The following DPP10 variants were observed in gnomAD, a reference collection of about 807,000 sequenced individuals.
DPP10 encodes the protein inactive dipeptidyl peptidase 10.
In DPP10, 33 loss-of-function variants were observed where a neutral mutation model predicts 120.9. That is an observed-to-expected ratio of 0.27 (90% confidence interval 0.21 to 0.37). The LOEUF is 0.37. Among genes scored for constraint, DPP10 ranks in the 10% least tolerant of loss-of-function variants. The pLI is 1.00. For missense variants in DPP10, 816 were observed against 942.8 expected (o/e 0.87, Z 1.76); for synonymous variants, 337 against 326.1 (o/e 1.03, Z -0.36).
At chr2:115,486,232 A>G (rs1195603522) in intron 3 of DPP10, among the ~76,000 whole-genome samples, 1 of 118,456 alleles carries the variant, frequency 8.4e-6, no homozygotes, top group East Asian at 3.0e-4. Flanking sequence ...AAATATTTTC[A>G]TAAGGGTGAG....
At chr2:114,859,628 C>T (rs981599326) in intron 1 of DPP10, among the ~76,000 whole-genome samples, 1 of 152,116 alleles carries the variant, frequency 6.6e-6, no homozygotes, top group African/African-American at 2.4e-5. Flanking sequence ...CAGTGCCAAA[C>T]GTTTCTCCCA....
chr2:114,594,901 T>C (rs1691779968), intron 1 of DPP10, among the ~76,000 whole-genome samples: 2 of 152,076 alleles, frequency 1.3e-5, no homozygotes, highest in South Asian at 4.2e-4. Flanking sequence ...TTCTCTCATG[T>C]TCCTTCCATT....
chr2:115,815,068 A>T, intron 20 of DPP10, 81 bp downstream of exon 20: 1 of 1,314,360 alleles, frequency 7.6e-7, no homozygotes, highest in Admixed American at 2.5e-5. Flanking sequence ...ACTAACCCTG[A>T]CTCAAGGCTT....
intron 1 of DPP10, among the ~76,000 whole-genome samples, chr2:114,983,086 C>G (rs142205655): frequency 1.4e-4 from 22 of 152,260 alleles, no homozygotes; most frequent in African/African-American, 5.1e-4. Flanking sequence ...CGCATTATAA[C>G]TAATGATGCA....
chr2:115,548,078 A>G (rs1419667560), intron 5 of DPP10, among the ~76,000 whole-genome samples: 2 of 152,212 alleles, frequency 1.3e-5, no homozygotes, highest in Non-Finnish European at 2.9e-5. Flanking sequence ...GAACAAAATT[A>G]TAAGGCAAGC....
At chr2:115,631,024 A>G (rs2085814142) in intron 5 of DPP10, among the ~76,000 whole-genome samples, 1 of 144,486 alleles carries the variant, frequency 6.9e-6, no homozygotes, top group Non-Finnish European at 1.5e-5. Context: ...CTGTAAATAC[A>G]TCTGATCCTG....
intron 5 of DPP10, among the ~76,000 whole-genome samples, chr2:115,677,670 AAAG>A (rs1392706552): frequency 1.3e-5 from 2 of 152,334 alleles, no homozygotes; most frequent in Admixed American, 1.3e-4. Flanking sequence ...AAAAAGAAAC[AAAG>A]AAGGTTATTG....
At chr2:115,578,684 C>A (rs2081834965) in intron 5 of DPP10, among the ~76,000 whole-genome samples, 1 of 152,194 alleles carries the variant, frequency 6.6e-6, no homozygotes, top group South Asian at 2.1e-4. Context: ...ATTACAGAAG[C>A]ATGTTTTATT....
chr2:114,541,390 C>G (rs897369421), intron 1 of DPP10, among the ~76,000 whole-genome samples: 2 of 152,092 alleles, frequency 1.3e-5, no homozygotes, highest in African/African-American at 2.4e-5. Flanking sequence ...GCCAGCTTCC[C>G]CCTTAGGAAG....
intron 19 of DPP10, among the ~76,000 whole-genome samples, chr2:115,801,869 T>A (rs1308953027): frequency 4.6e-5 from 7 of 152,152 alleles, no homozygotes; most frequent in Admixed American, 3.3e-4. Flanking sequence ...ATCAATGTTC[T>A]TCAAGGATAT....
chr2:114,897,043 G>C (rs1297540202), intron 1 of DPP10, among the ~76,000 whole-genome samples: 1 of 152,134 alleles, frequency 6.6e-6, no homozygotes, highest in Non-Finnish European at 1.5e-5. Context: ...TACATTTATT[G>C]ATTTGCATAT....
chr2:114,576,676 C>T (rs900036981), intron 1 of DPP10, among the ~76,000 whole-genome samples: 2 of 152,098 alleles, frequency 1.3e-5, no homozygotes, highest in Non-Finnish European at 2.9e-5. Context: ...AAAACTAGCC[C>T]ACAGGACTGT....
rs57462947 is a variant in DPP10 at position 115,207,416 on chromosome 2, C to CAAAAAAAAAA, written c.61-101802_61-101793dup. ...GGTTTTTAAAGAGTGCTTACTGCAC[C>CAAAAAAAAAA]AAAAAAAAAAAAAAAAAAAAAAAAA... On this transcript the variant is annotated intron_variant, in intron 1 of 25. Coordinates refer to ENST00000410059, the MANE Select transcript of DPP10 (RefSeq NM_020868.6). Among the ~76,000 whole-genome samples, 138 of 52,302 alleles carry CAAAAAAAAAA rather than the reference C, an allele frequency of 2.6e-3. 17 individuals are homozygous for CAAAAAAAAAA. Among genetic ancestry groups the CAAAAAAAAAA allele is most frequent in the African/African-American group, 8.8e-3 (133 of 15,136 alleles). 34.3% of individuals were successfully genotyped at this position (52,302 alleles called of 152,430 possible).
At chr2:115,526,854 T>C (rs1018885554) in intron 5 of DPP10, among the ~76,000 whole-genome samples, 1 of 152,132 alleles carries the variant, frequency 6.6e-6, no homozygotes, top group Admixed American at 6.6e-5. Flanking sequence ...TAAGGTTATA[T>C]TTTTTGACTT....
chr2:114,490,162 A>G (rs1033645758), intron 1 of DPP10, among the ~76,000 whole-genome samples: 6 of 152,154 alleles, frequency 3.9e-5, no homozygotes, highest in African/African-American at 1.2e-4. Context: ...TTCTCTGGCT[A>G]TGTCTAGCAC....
intron 1 of DPP10, among the ~76,000 whole-genome samples, chr2:114,443,282 T>C (rs1221618052): frequency 6.6e-6 from 1 of 152,174 alleles, no homozygotes; most frequent in Non-Finnish European, 1.5e-5. Flanking sequence ...TCCTTCATTG[T>C]GAGCATTGAA....
intron 5 of DPP10, among the ~76,000 whole-genome samples, chr2:115,580,901 G>C (rs1385770520): frequency 6.6e-6 from 1 of 152,104 alleles, no homozygotes; most frequent in African/African-American, 2.4e-5. Flanking sequence ...CCAGAGAAGT[G>C]TGTCAGCCAT....
chr2:114,548,778 C>G (rs1687630175), intron 1 of DPP10, among the ~76,000 whole-genome samples: 2 of 152,288 alleles, frequency 1.3e-5, no homozygotes, highest in South Asian at 2.1e-4. Context: ...TCTCTCCACG[C>G]CTGAGTGTTC....
rs143884336 is a variant in DPP10 at position 114,463,124 on chromosome 2, C to G, written c.60+20286C>G. Among the ~76,000 whole-genome samples, 74 of 152,244 alleles carry G rather than the reference C, an allele frequency of 4.9e-4. 1 individual carries two copies. Among genetic ancestry groups the G allele is most frequent in the African/African-American group, 1.8e-3 (74 of 41,526 alleles). On this transcript the variant is annotated intron_variant, in intron 1 of 25. Transcript: ENST00000410059. ...GCTGGTCACTACAGGGGATTCATCG[C>G]TTCTAGGCCCTCTCAGTGGACAGAG...
Sources: gnomAD v4.1 joint callset for allele counts (sites outside exome capture counted in the v4.1 genomes callset) on GRCh38, gnomAD v4.1.1 for gene constraint, MANE v1.5 for transcripts, NCBI Gene and HGNC (gene_info 2026-07-23, HGNC 2026-07-21) for gene names.